PAPPA: variants seen among roughly 807,000 people sequenced by gnomAD.
The protein encoded by PAPPA is pappalysin-1.
In PAPPA, 60 loss-of-function variants were observed where a neutral mutation model predicts 164.0. The ratio of observed to expected loss-of-function variants is 0.37; its 90% CI spans 0.30 to 0.45. The LOEUF (loss-of-function observed/expected upper bound fraction) is 0.45. PAPPA is among the 20% of genes least tolerant of loss of function. PAPPA has a pLI of 1.00. For synonymous variants in PAPPA, 875 were observed against 814.1 expected, an observed-to-expected ratio of 1.07 and a Z score of -1.27; for missense variants, 1,782 against 2,087.3, an observed-to-expected ratio of 0.85 and a Z score of 2.85.
intron 15 of PAPPA, among the ~76,000 whole-genome samples, chr9:116,350,944 A>C (rs2118587779): frequency 6.6e-6 from 1 of 152,372 alleles, no homozygotes; most frequent in South Asian, 2.1e-4. Context: ...TACAGACACC[A>C]ATCTGCCTTG....
intron 1 of PAPPA, among the ~76,000 whole-genome samples, chr9:116,159,586 G>A (rs1415859444): frequency 6.6e-6 from 1 of 152,186 alleles, no homozygotes; most frequent in Admixed American, 6.5e-5. Context: ...TTAGCATTCA[G>A]AGAGAGCAAG....
intron 15 of PAPPA, among the ~76,000 whole-genome samples, chr9:116,351,447 T>A (rs1472366832): frequency 2.0e-5 from 3 of 152,192 alleles, no homozygotes; most frequent in Non-Finnish European, 2.9e-5. Flanking sequence ...GCACTTTTCA[T>A]AAATGTTGTT....
intron 7 of PAPPA, among the ~76,000 whole-genome samples, chr9:116,242,543 G>A (rs755795645): frequency 6.6e-6 from 1 of 152,196 alleles, no homozygotes; most frequent in Non-Finnish European, 1.5e-5. Context: ...CAGTATGAAT[G>A]TGCTGCAGGT....
chr9:116,158,337 C>A (rs1045906508), intron 1 of PAPPA, among the ~76,000 whole-genome samples: 63 of 152,152 alleles, frequency 4.1e-4, no homozygotes, highest in African/African-American at 1.5e-3. Flanking sequence ...GGCTAGGAGT[C>A]CATATATTAA....
At chr9:116,328,480 A>G (rs1231056491) in intron 10 of PAPPA, among the ~76,000 whole-genome samples, 1 of 152,240 alleles carries the variant, frequency 6.6e-6, no homozygotes, top group Non-Finnish European at 1.5e-5. Flanking sequence ...GCAATGGGAT[A>G]GGAGATTCAT....
chr9:116,342,850 C>A (rs1043321066), intron 13 of PAPPA, among the ~76,000 whole-genome samples: 8 of 152,104 alleles, frequency 5.3e-5, no homozygotes, highest in African/African-American at 1.9e-4. Context: ...AGAAAACTGC[C>A]CCCTAGAAGC....
intron 10 of PAPPA, among the ~76,000 whole-genome samples, chr9:116,313,543 C>T (rs963476376): frequency 1.4e-4 from 22 of 152,242 alleles, no homozygotes; most frequent in Admixed American, 5.9e-4. Context: ...TTTAAAGCAA[C>T]GGGAAGGAGG....
intron 20 of PAPPA, among the ~76,000 whole-genome samples, chr9:116,380,307 T>TGGATGGATGGAC (rs1319085290): frequency 6.6e-6 from 1 of 151,960 alleles, no homozygotes; most frequent in Non-Finnish European, 1.5e-5. Flanking sequence ...GATGGATGGA[T>TGGATGGATGGAC]GGATGGACGG....
intron 13 of PAPPA, among the ~76,000 whole-genome samples, chr9:116,335,283 A>G (rs558187256): frequency 5.3e-5 from 8 of 152,270 alleles, no homozygotes; most frequent in South Asian, 2.1e-4. Context: ...TGTGTGGTGA[A>G]AAAAGAACCT....
In PAPPA at chr9:116,187,747, G is replaced by C. The variant is rs769687864; in HGVS notation, c.1009G>C (p.Val337Leu). 1.2e-6 allele frequency: 2 copies of C among 1,614,270 alleles called. No homozygotes were observed. Among genetic ancestry groups the C allele is most frequent in the Admixed American group, 1.7e-5 (1 of 60,036 alleles). ...CGQTLCDNTE[V>L]IASYNQLSSF... is the part of the protein sequence containing the mutation. ...ACAGACATTGTGTGACAACACAGAG[G>C]TCATTGCCAGCTACAATCAGCTCTC... is the stretch of plus-strand genomic sequence containing the variant. The change falls in exon 2 of 22, where the codon GTC becomes CTC. Residue 337 changes from valine to leucine, a missense_variant. Around this residue, in one of 2 missense-constraint regions of PAPPA, gnomAD observed 1,324 missense variants for 1,656.9 expected, o/e 0.80. Transcript: ENST00000328252. This position sits in a 1 kb window ranked among gnomAD's most constrained non-coding sequence, Gnocchi z 4.2.
At chr9:116,186,089 T>C (rs988862728) in intron 1 of PAPPA, among the ~76,000 whole-genome samples, 1 of 152,108 alleles carries the variant, frequency 6.6e-6, no homozygotes, top group Non-Finnish European at 1.5e-5. Flanking sequence ...ATTAAGTTAG[T>C]GCATATACAG....
chr9:116,271,778 G>T lies in PAPPA; in HGVS notation c.2953+362G>T, dbSNP rs1845140737. 6.6e-6 allele frequency among the ~76,000 whole-genome samples: 1 copy of T among 152,126 alleles called. No individual in the cohort carries two copies. The highest frequency in any genetic ancestry group is 1.5e-5 in the Non-Finnish European group (1 of 68,014). On this transcript the variant is annotated intron_variant, in intron 9 of 21. Coordinates refer to ENST00000328252, the MANE Select transcript of PAPPA (RefSeq NM_002581.5). This position sits in a 1 kb window ranked among gnomAD's most constrained non-coding sequence, Gnocchi z 4.2. ...GCTTTTATTCCTACTTCAGAGATAA[G>T]AAAAAATCAAACGCCAGAAAAATTT...
At chr9:116,334,506 C>T (rs1846034704) in intron 12 of PAPPA, among the ~76,000 whole-genome samples, 1 of 152,066 alleles carries the variant, frequency 6.6e-6, no homozygotes, top group South Asian at 2.1e-4. Context: ...AGGCAGGCAG[C>T]CTGAAACTCA....
chr9:116,247,633 A>G (rs1273016152), intron 7 of PAPPA, among the ~76,000 whole-genome samples: 1 of 152,212 alleles, frequency 6.6e-6, no homozygotes. Context: ...GGAAAATAAC[A>G]GCTGTCAGAG....
At chr9:116,355,096 C>G (rs1288172649) in intron 17 of PAPPA, among the ~76,000 whole-genome samples, 1 of 152,218 alleles carries the variant, frequency 6.6e-6, no homozygotes. Context: ...TCAGGTTCCC[C>G]CTTCACAACA....
At chr9:116,349,577 G>C (rs186487344) in intron 15 of PAPPA, among the ~76,000 whole-genome samples, 85 of 152,272 alleles carry the variant, frequency 5.6e-4, no homozygotes, top group Admixed American at 1.8e-3. Context: ...CTCCCAAAGA[G>C]ACTTGATCTC....
At chr9:116,372,447 A>C (rs57874681) in intron 19 of PAPPA, among the ~76,000 whole-genome samples, 6,453 of 152,292 alleles carry the variant, frequency 0.042, 419 homozygotes, top group African/African-American at 0.14. Context: ...TATGCCAAAC[A>C]AAACATTTCT....
intron 1 of PAPPA, among the ~76,000 whole-genome samples, chr9:116,163,196 A>G (rs547371865): frequency 4.6e-5 from 7 of 152,322 alleles, no homozygotes; most frequent in African/African-American, 1.7e-4. Context: ...GTGGAGACAG[A>G]CTATAAATGA....
chr9:116,217,220 A>T (rs1202721190), intron 4 of PAPPA, among the ~76,000 whole-genome samples: 1 of 152,172 alleles, frequency 6.6e-6, no homozygotes, highest in Non-Finnish European at 1.5e-5. Context: ...TACAGGAAAA[A>T]ACCTACTGTT....
Sources: gnomAD v4.1 joint callset for allele counts (sites outside exome capture counted in the v4.1 genomes callset) on GRCh38, gnomAD v4.1.1 for gene constraint, gnomAD v4.1.1 regional missense constraint, Gnocchi (gnomAD v3.1) non-coding constraint, MANE v1.5 for transcripts, NCBI Gene and HGNC (gene_info 2026-07-23, HGNC 2026-07-21) for gene names.